Variants in FAM162A observed in about 807,000 individuals in gnomAD.
FAM162A encodes protein FAM162A.
FAM162A carries 23 observed loss-of-function variants against 21.8 expected under a neutral mutation model. The ratio of observed to expected loss-of-function variants is 1.05; its 90% CI spans 0.76 to 1.49. The LOEUF is 1.49. FAM162A is among the 40% of genes most tolerant of loss of function. The pLI is 0.00. For synonymous variants in FAM162A, 53 were observed against 61.3 expected (o/e 0.86, Z 0.64); for missense variants, 165 against 186.4 (o/e 0.89, Z 0.67).
rs565321392 is a variant in FAM162A, at chr3:122,391,145, C to T, written c.34+6846C>T. Among the ~76,000 whole-genome samples the T allele has an allele frequency of 1.6e-3, 248 of 152,322 alleles. 3 individuals are homozygous for T. The highest frequency in any genetic ancestry group is 3.7e-3 in the Admixed American group (57 of 15,298). On this transcript the variant is annotated intron_variant, in intron 1 of 4. Transcript: ENST00000477892. ...TGCAAAATAAAAACCAAGACCACAT[C>T]AAATACTTCAGACATTTTTTAGCGA... is the stretch of plus-strand genomic sequence containing the variant.
chr3:122,384,526 C>T (rs945236945), intron 1 of FAM162A, among the ~76,000 whole-genome samples: 9 of 152,140 alleles, frequency 5.9e-5, no homozygotes, highest in African/African-American at 2.2e-4. Context: ...ATCCACCCAG[C>T]TCCCACCAAC....
rs77847601 is a variant in FAM162A, at chr3:122,401,384, A to G, written c.35-1376A>G. 6,621 of 1,025,626 alleles carry G rather than the reference A, an allele frequency of 6.5e-3. 349 individuals are homozygous for G. The African/African-American group carries it at 0.1, about 16-fold the overall frequency. 63.5% of individuals were successfully genotyped at this position (1,025,626 alleles called of 1,614,324 possible). A position where few individuals can be genotyped will look rare whatever the true frequency, so the allele number is the denominator to read the frequency against. ...AACTCCTTTTCTTTCAGGTTGGTTC[A>G]TGTGATCCTGGTTAATGGAACATAA... On this transcript the variant is annotated intron_variant, in intron 1 of 4. Coordinates refer to ENST00000477892, the MANE Select transcript of FAM162A (RefSeq NM_014367.4).
chr3:122,389,385 A>AGATG (rs201533540), intron 1 of FAM162A, among the ~76,000 whole-genome samples: 746 of 14,862 alleles, frequency 0.05, 2 homozygotes, highest in African/African-American at 0.12. Flanking sequence ...ATAGATGGAT[A>AGATG]GATAGATAGA....
intron 3 of FAM162A, among the ~76,000 whole-genome samples, chr3:122,406,004 C>T (rs769665782): frequency 4.5e-4 from 68 of 152,200 alleles, no homozygotes; most frequent in Non-Finnish European, 6.8e-4. Context: ...TCCTACATCA[C>T]ATTGTACATG....
chr3:122,388,176 A>G (rs2075583198), intron 1 of FAM162A, among the ~76,000 whole-genome samples: 1 of 152,220 alleles, frequency 6.6e-6, no homozygotes, highest in South Asian at 2.1e-4. Flanking sequence ...GATGGAAATA[A>G]CGAATATATT....
At chr3:122,395,323 A>G (rs1351784214) in intron 1 of FAM162A, among the ~76,000 whole-genome samples, 1 of 152,242 alleles carries the variant, frequency 6.6e-6, no homozygotes, top group African/African-American at 2.4e-5. Context: ...CTATATTCCC[A>G]GATAACATGA....
At chr3:122,407,873 C>T (rs1383016456) in intron 4 of FAM162A, 1 of 160,418 alleles carries the variant, frequency 6.2e-6, no homozygotes, top group African/African-American at 2.4e-5. Flanking sequence ...GAATACAAGT[C>T]CAGAAATCTT....
intron 1 of FAM162A, among the ~76,000 whole-genome samples, chr3:122,389,433 AGATG>A (rs1197892768): frequency 1.4e-3 from 204 of 146,466 alleles, no homozygotes; most frequent in African/African-American, 4.4e-3. Context: ...ATAGATAGAT[AGATG>A]AGATAGATAG....
rs2075561649 is a variant in FAM162A at position 122,384,259 on chromosome 3, A to G, written c.-7A>G. 1 of 1,572,816 alleles carries G rather than the reference A, an allele frequency of 6.4e-7. No homozygotes were observed. Among genetic ancestry groups the G allele is most frequent in the Non-Finnish European group, 8.6e-7 (1 of 1,159,510 alleles). On this transcript the variant is annotated 5_prime_UTR_variant, in exon 1 of 5. Coordinates refer to ENST00000477892, the MANE Select transcript of FAM162A (RefSeq NM_014367.4). ...TTCTGCGCTGGTCGGCGGAGTAGCA[A>G]GTGGCCATGGGGAGCCTCAGCGGTC...
In FAM162A at chr3:122,384,313, C is replaced by G; in HGVS notation, c.34+14C>G. ...GCCTGGCAGCAGGTGAGACGCCGGT[C>G]GGGATATGGGAGGTAGGGGAGCTGG... On this transcript the variant is annotated intron_variant, in intron 1 of 4. Transcript: ENST00000477892. 1 of 1,572,200 alleles carries G rather than the reference C, an allele frequency of 6.4e-7. No homozygotes were observed. The highest frequency in any genetic ancestry group is 8.6e-7 in the Non-Finnish European group (1 of 1,159,014).
intron 1 of FAM162A, among the ~76,000 whole-genome samples, chr3:122,386,556 T>TAAA (rs1185441822): frequency 2.8e-5 from 3 of 105,922 alleles, no homozygotes; most frequent in Admixed American, 1.0e-4. Flanking sequence ...AGACCCTGTC[T>TAAA]AAAAAAAAAA....
In FAM162A at chr3:122,409,885, T is replaced by C; in HGVS notation, c.*54T>C. The C allele has an allele frequency of 6.8e-7, 1 of 1,477,132 alleles. No homozygotes were observed. The highest frequency in any genetic ancestry group is 2.3e-5 in the East Asian group (1 of 44,212). The allele number at this position is 1,477,132 out of a possible 1,614,324, so 91.5% of individuals were successfully genotyped here. A position where few individuals can be genotyped will look rare whatever the true frequency, so the allele number is the denominator to read the frequency against. On this transcript the variant is annotated 3_prime_UTR_variant, in exon 5 of 5. Transcript: ENST00000477892. ...AAAATCCAGGAATTATGTTATAACG[T>C]GCCTGTATTAAAAAGGATGTGGTAT... is the stretch of plus-strand genomic sequence containing the variant.
At position 122,412,277 on chromosome 3, in the gene FAM162A, T is replaced by C. The variant is rs950797137; in HGVS notation, c.*2446T>C. 5.9e-5 allele frequency: 9 copies of C among 152,254 alleles called. No individual in the cohort carries two copies. The highest frequency in any genetic ancestry group is 5.9e-5 in the Non-Finnish European group (4 of 68,048). 9.4% of individuals were successfully genotyped at this position (152,254 alleles called of 1,614,324 possible). A position where few individuals can be genotyped will look rare whatever the true frequency, so the allele number is the denominator to read the frequency against. On this transcript the variant is annotated 3_prime_UTR_variant, in exon 5 of 5. Transcript: ENST00000477892. ...TAGGTAAAGTGGGCAGAAATCTTTT[T>C]CTACTTTACATTTCCTGTAAGTGCT...
chr3:122,401,415 A>G (rs2075653078), intron 1 of FAM162A: 2 of 1,082,164 alleles, frequency 1.8e-6, no homozygotes, highest in Non-Finnish European at 2.3e-6. Flanking sequence ...CATAAGTGAG[A>G]TTTTATGGGT....
At position 122,407,365 on chromosome 3, in the gene FAM162A, C is replaced by T. The variant is rs776960509; in HGVS notation, c.348C>T (p.Ile116=). The T allele has an allele frequency of 6.2e-7, 1 of 1,613,770 alleles. No individual in the cohort carries two copies. The highest frequency in any genetic ancestry group is 1.3e-5 in the African/African-American group (1 of 74,880). The change falls in exon 4 of 5, where the codon ATC becomes ATT. Residue 116 remains isoleucine (I), a synonymous_variant. Transcript: ENST00000477892. ...LMIALTVVGC[I]FMVIEGKKAA... is the part of the protein sequence containing the mutation. ...TTGCCCTGACGGTGGTAGGATGCAT[C>T]TTCATGGTTATTGAGGGCAAGAAGG...
intron 4 of FAM162A, 169 bp downstream of exon 4, chr3:122,407,558 A>G (rs575099933): frequency 1.7e-5 from 9 of 534,962 alleles, no homozygotes; most frequent in African/African-American, 9.4e-5. Context: ...AGCCTGGAAT[A>G]TCATCCTTGG....
chr3:122,386,249 A>C (rs938047594), intron 1 of FAM162A, among the ~76,000 whole-genome samples: 9 of 152,220 alleles, frequency 5.9e-5, no homozygotes, highest in African/African-American at 2.2e-4. Context: ...AAGGAATGAA[A>C]GATCAAATAG....
intron 1 of FAM162A, among the ~76,000 whole-genome samples, chr3:122,397,106 G>T (rs931804293): frequency 2.6e-5 from 4 of 152,068 alleles, no homozygotes; most frequent in African/African-American, 9.7e-5. Flanking sequence ...AGGGAATTAT[G>T]TATCAATAAA....
chr3:122,397,936 G>A (rs987592135), intron 1 of FAM162A, among the ~76,000 whole-genome samples: 2 of 152,240 alleles, frequency 1.3e-5, no homozygotes, highest in African/African-American at 4.8e-5. Context: ...TCCAACTCGG[G>A]CAGAAAACAT....
Sources: allele counts gnomAD v4.1 joint callset (sites outside exome capture counted in the v4.1 genomes callset), GRCh38; gene constraint gnomAD v4.1.1; transcripts MANE v1.5; gene names NCBI Gene and HGNC (gene_info 2026-07-23, HGNC 2026-07-21).